DSCAM: variants seen among roughly 807,000 people sequenced by gnomAD.
DSCAM encodes DS cell adhesion molecule.
In DSCAM, 47 loss-of-function variants were observed where a neutral mutation model predicts 217.7. That is an observed-to-expected ratio of 0.22 (90% CI 0.17 to 0.28). DSCAM has a LOEUF of 0.28. DSCAM is among the 10% of genes least tolerant of loss of function. The pLI, the probability that DSCAM is intolerant of heterozygous loss-of-function variation, is 1.00. For missense variants in DSCAM, 2,080 were observed against 2,618.3 expected, an observed-to-expected ratio of 0.79 and a Z score of 4.49; for synonymous variants, 1,056 against 1,015.3, an observed-to-expected ratio of 1.04 and a Z score of -0.76.
chr21:40,699,760 A>G (rs1206050262), intron 2 of DSCAM, among the ~76,000 whole-genome samples: 1 of 152,212 alleles, frequency 6.6e-6, no homozygotes, highest in Admixed American at 6.5e-5. Context: ...AAACACTGGA[A>G]GCTAGCAGAG....
Position 40,129,672 on chromosome 21 carries a change from T to C in DSCAM, c.3562+4182A>G, listed in dbSNP as rs954457035. 3.3e-5 allele frequency among the ~76,000 whole-genome samples: 5 copies of C among 152,200 alleles called. No individual in the cohort carries two copies. In the South Asian group the frequency reaches 6.2e-4, roughly 19 times the overall value. On this transcript the variant is annotated intron_variant, in intron 19 of 32. Coordinates refer to ENST00000400454, the MANE Select transcript of DSCAM (RefSeq NM_001389.5). ...TGCCACTGCACATGGCACACTACCA[T>C]AGGCTATAGAGCACTGGAATCTTGA... is the stretch of plus-strand genomic sequence containing the variant.
chr21:40,620,310 GAGAGAA>G (rs1440525276), intron 3 of DSCAM, among the ~76,000 whole-genome samples: 8 of 138,290 alleles, frequency 5.8e-5, no homozygotes, highest in Admixed American at 2.2e-4. Context: ...AAGAAAGAGA[GAGAGAA>G]AGAGAGAGAA....
intron 3 of DSCAM, among the ~76,000 whole-genome samples, chr21:40,410,169 C>A (rs959027059): frequency 6.6e-6 from 1 of 151,764 alleles, no homozygotes; most frequent in Non-Finnish European, 1.5e-5. Context: ...AAAAATTAAA[C>A]CCAAGTAAGA....
At chr21:40,589,328 G>A (rs961971674) in intron 3 of DSCAM, among the ~76,000 whole-genome samples, 3 of 152,016 alleles carry the variant, frequency 2.0e-5, no homozygotes, top group Non-Finnish European at 2.9e-5. Flanking sequence ...CTGTAATCCC[G>A]GCACTTTGGG....
chr21:40,629,854 G>T (rs2089663782), intron 3 of DSCAM, among the ~76,000 whole-genome samples: 1 of 152,102 alleles, frequency 6.6e-6, no homozygotes, highest in African/African-American at 2.4e-5. Context: ...TACTATTGGA[G>T]ACCTGGCATC....
intron 3 of DSCAM, among the ~76,000 whole-genome samples, chr21:40,485,532 G>A (rs954125141): frequency 1.8e-4 from 28 of 151,890 alleles, no homozygotes; most frequent in African/African-American, 3.1e-4. Flanking sequence ...GTGAGCCACC[G>A]CGCCCGGCCC....
At chr21:40,449,901 A>G (rs1220089381) in intron 3 of DSCAM, among the ~76,000 whole-genome samples, 1 of 152,222 alleles carries the variant, frequency 6.6e-6, no homozygotes, top group African/African-American at 2.4e-5. Flanking sequence ...ATAATAGTTG[A>G]TGGCCAAATC....
At position 40,276,387 on chromosome 21, in the gene DSCAM, G is replaced by A. The variant is rs1016075316; in HGVS notation, c.2183-117C>T. 5 of 814,252 alleles carry A rather than the reference G, an allele frequency of 6.1e-6. No individual in the cohort carries two copies. In the African/African-American group the frequency reaches 7.0e-5, roughly 11 times the overall value. 50.4% of individuals were successfully genotyped at this position (814,252 alleles called of 1,614,324 possible). ...TGCTTCACACTGATCCCATAAGGCA[G>A]TCACGGGATACACCAGGTTTTTCTT... On this transcript the variant is annotated intron_variant, in intron 10 of 32. Coordinates refer to ENST00000400454, the MANE Select transcript of DSCAM (RefSeq NM_001389.5).
intron 4 of DSCAM, among the ~76,000 whole-genome samples, chr21:40,362,850 A>T (rs1303275007): frequency 1.3e-5 from 2 of 152,180 alleles, no homozygotes; most frequent in African/African-American, 4.8e-5. Context: ...ATATGTGTAT[A>T]TATCTATATA....
rs149296192 is a variant in DSCAM, at chr21:40,482,246, C to G, written c.509-113001G>C. ...AATTTTAAAATATGACCACACTGAA[C>G]AGTTCTAAACGTAGCTATTGTACAC... On this transcript the variant is annotated intron_variant, in intron 3 of 32. Coordinates refer to ENST00000400454, the MANE Select transcript of DSCAM (RefSeq NM_001389.5). Among the ~76,000 whole-genome samples the G allele has an allele frequency of 6.5e-3, 989 of 152,276 alleles. 15 individuals carry two copies. Among genetic ancestry groups the G allele is most frequent in the African/African-American group, 0.023 (947 of 41,528 alleles).
intron 3 of DSCAM, among the ~76,000 whole-genome samples, chr21:40,675,007 T>C (rs1311111098): frequency 2.4e-5 from 3 of 127,088 alleles, no homozygotes; most frequent in Non-Finnish European, 3.5e-5. Flanking sequence ...TCCCACCTCA[T>C]TATATAAACA....
At chr21:40,287,023 G>A (rs1377623184) in intron 10 of DSCAM, among the ~76,000 whole-genome samples, 20 of 132,232 alleles carry the variant, frequency 1.5e-4, no homozygotes, top group East Asian at 1.5e-3. Context: ...AGGTATCTGC[G>A]GTGTGATCTG....
chr21:40,092,621 A>G (rs576048107), intron 21 of DSCAM, among the ~76,000 whole-genome samples: 26 of 152,282 alleles, frequency 1.7e-4, no homozygotes, highest in Admixed American at 1.4e-3. Flanking sequence ...AGGAAGAAAC[A>G]TTATTGCTAA....
chr21:40,556,437 T>C (rs1295525427), intron 3 of DSCAM, among the ~76,000 whole-genome samples: 1 of 152,110 alleles, frequency 6.6e-6, no homozygotes, highest in Non-Finnish European at 1.5e-5. Flanking sequence ...GAAGAGAAAA[T>C]ATACTACTAT....
intron 1 of DSCAM, among the ~76,000 whole-genome samples, chr21:40,833,997 T>C (rs1361003872): frequency 6.6e-6 from 1 of 152,134 alleles, no homozygotes; most frequent in African/African-American, 2.4e-5. Context: ...CAGACATTGC[T>C]CACTGTCCTC....
At chr21:40,713,993 C>A (rs2090812232) in intron 1 of DSCAM, among the ~76,000 whole-genome samples, 3 of 152,220 alleles carry the variant, frequency 2.0e-5, no homozygotes, top group Admixed American at 2.0e-4. Context: ...CCTGGCTTAA[C>A]TTACTGCTCT....
chr21:40,336,232 GA>G (rs998893979), intron 8 of DSCAM, among the ~76,000 whole-genome samples: 6 of 152,220 alleles, frequency 3.9e-5, no homozygotes, highest in East Asian at 3.9e-4. Flanking sequence ...TTTCTTAAAA[GA>G]ATGGCTACCT....
At chr21:40,491,934 C>T (rs149101492) in intron 3 of DSCAM, among the ~76,000 whole-genome samples, 1,634 of 152,264 alleles carry the variant, frequency 0.011, 32 homozygotes, top group African/African-American at 0.036. Flanking sequence ...ACATGCTACA[C>T]ATAACATTTG....
chr21:40,829,245 G>C (rs187189765), intron 1 of DSCAM, among the ~76,000 whole-genome samples: 1 of 152,170 alleles, frequency 6.6e-6, no homozygotes, highest in Admixed American at 6.6e-5. Flanking sequence ...TTGATTCTTC[G>C]GTTTTCTCAG....
Sources: gnomAD v4.1 joint callset for allele counts (sites outside exome capture counted in the v4.1 genomes callset) on GRCh38, gnomAD v4.1.1 for gene constraint, MANE v1.5 for transcripts, NCBI Gene and HGNC (gene_info 2026-07-23, HGNC 2026-07-21) for gene names.